Variants in PPP2R5A observed in about 807,000 individuals in gnomAD.
The protein encoded by PPP2R5A is protein phosphatase 2 regulatory subunit B'alpha.
Under a neutral mutation model 64.2 loss-of-function variants are expected in PPP2R5A, and 25 were observed. The ratio of observed to expected loss-of-function variants is 0.39; its 90% confidence interval spans 0.28 to 0.54. PPP2R5A has a LOEUF of 0.54. PPP2R5A is among the 20% of genes least tolerant of loss of function. The probability of loss-of-function intolerance (pLI) is 0.67; values close to 1 mark genes in which losing one functional copy is unlikely to be tolerated. For missense variants in PPP2R5A, 425 were observed against 576.3 expected, an observed-to-expected ratio of 0.74 and a Z score of 2.69; for synonymous variants, 198 against 201.2, an observed-to-expected ratio of 0.98 and a Z score of 0.13.
At chr1:212,359,280 A>G (rs1232337112) in intron 12 of PPP2R5A, among the ~76,000 whole-genome samples, 1 of 152,174 alleles carries the variant, frequency 6.6e-6, no homozygotes, top group African/African-American at 2.4e-5. Context: ...GCAGTAGGTA[A>G]TTCTTACGCT....
chr1:212,351,058 C>CA (rs1659868109), intron 8 of PPP2R5A, among the ~76,000 whole-genome samples: 2 of 149,174 alleles, frequency 1.3e-5, no homozygotes, highest in South Asian at 4.2e-4. Flanking sequence ...GCACAAGAAT[C>CA]ACTTGAACCC....
Position 212,351,076 on chromosome 1 carries a change from G to A in PPP2R5A, c.927+1834G>A, listed in dbSNP as rs956476876. On this transcript the variant is annotated intron_variant, in intron 8 of 12. Coordinates refer to ENST00000261461, the MANE Select transcript of PPP2R5A (RefSeq NM_006243.4). ...CAAGAATCACTTGAACCCTGGAGGCGGAGGTTACAGTGAGCCGAGATGACA... is the reference window on the plus strand; with the variant it reads ...CAAGAATCACTTGAACCCTGGAGGCAGAGGTTACAGTGAGCCGAGATGACA... 4.9e-4 allele frequency among the ~76,000 whole-genome samples: 74 copies of A among 150,666 alleles called. 1 individual carries two copies. The highest frequency in any genetic ancestry group is 1.3e-4 in the Non-Finnish European group (9 of 67,802).
intron 8 of PPP2R5A, among the ~76,000 whole-genome samples, chr1:212,354,139 G>A (rs916665754): frequency 2.0e-5 from 3 of 152,072 alleles, no homozygotes; most frequent in East Asian, 1.9e-4. Context: ...AGCCGAGATC[G>A]TGCCACTGCA....
At chr1:212,332,216 T>C (rs1659516784) in intron 2 of PPP2R5A, among the ~76,000 whole-genome samples, 1 of 152,210 alleles carries the variant, frequency 6.6e-6, no homozygotes, top group East Asian at 1.9e-4. Flanking sequence ...TTATTAAGTC[T>C]TAACGGTTAC....
intron 8 of PPP2R5A, among the ~76,000 whole-genome samples, chr1:212,354,710 AAG>A (rs1159830690): frequency 3.8e-5 from 5 of 132,170 alleles, no homozygotes; most frequent in South Asian, 2.3e-4. Flanking sequence ...CCTCATCAAA[AAG>A]AGAGAGAAAT....
intron 1 of PPP2R5A, among the ~76,000 whole-genome samples, chr1:212,303,828 T>C (rs897921208): frequency 3.9e-5 from 6 of 152,222 alleles, no homozygotes; most frequent in African/African-American, 1.4e-4. Flanking sequence ...GGCCCTTTTG[T>C]TGAAAATTAG....
intron 2 of PPP2R5A, among the ~76,000 whole-genome samples, chr1:212,331,247 A>ACCT (rs1197308791): frequency 1.3e-5 from 2 of 150,286 alleles, no homozygotes; most frequent in Non-Finnish European, 3.0e-5. Flanking sequence ...CACAGCCTTG[A>ACCT]CCTCCTGGGC....
intron 1 of PPP2R5A, among the ~76,000 whole-genome samples, chr1:212,296,631 AG>A (rs1407677204): frequency 6.6e-6 from 1 of 152,230 alleles, no homozygotes; most frequent in Non-Finnish European, 1.5e-5. Flanking sequence ...TGCCTGAATA[AG>A]GTTAAAGTGC....
chr1:212,333,147 C>T (rs535596364), intron 2 of PPP2R5A, among the ~76,000 whole-genome samples: 14 of 152,096 alleles, frequency 9.2e-5, no homozygotes, highest in Admixed American at 1.3e-4. Context: ...AGACAGTCTG[C>T]CCCCCTCGGC....
chr1:212,296,058 GAGA>G lies in PPP2R5A; in HGVS notation c.181+9774_181+9776del, dbSNP rs550162866. On this transcript the variant is annotated intron_variant, in intron 1 of 12. Coordinates refer to ENST00000261461, the MANE Select transcript of PPP2R5A (RefSeq NM_006243.4). The stretch of plus-strand genomic sequence containing the variant: ...GGCCTGGGTAGTAGCCCAAGATGGA[GAGA>G]AGAAGATGCATTTGAGATATATCTT... Among the ~76,000 whole-genome samples, 115 of 152,220 alleles carry G rather than the reference GAGA, an allele frequency of 7.6e-4. 1 individual carries two copies. Among genetic ancestry groups the G allele is most frequent in the African/African-American group, 2.4e-3 (100 of 41,532 alleles).
At chr1:212,291,171 C>T (rs779414626) in intron 1 of PPP2R5A, among the ~76,000 whole-genome samples, 3 of 151,892 alleles carry the variant, frequency 2.0e-5, no homozygotes, top group South Asian at 2.1e-4. Context: ...TGCAGTGGCA[C>T]GATCTCTCGG....
intron 2 of PPP2R5A, 44 bp downstream of exon 2, chr1:212,329,375 G>A: frequency 7.2e-7 from 1 of 1,382,352 alleles, no homozygotes; most frequent in Non-Finnish European, 9.6e-7. Context: ...GTAAATTTAA[G>A]ATCTGAGGTA....
chr1:212,354,188 A>G (rs1659937398), intron 8 of PPP2R5A, among the ~76,000 whole-genome samples: 1 of 152,052 alleles, frequency 6.6e-6, no homozygotes, highest in Non-Finnish European at 1.5e-5. Flanking sequence ...TGTCTCAAAA[A>G]TAAATAAATA....
chr1:212,334,572 G>A (rs1317953407), intron 3 of PPP2R5A, among the ~76,000 whole-genome samples: 1 of 152,168 alleles, frequency 6.6e-6, no homozygotes, highest in African/African-American at 2.4e-5. Flanking sequence ...GATTACAGGT[G>A]TGCAATTAAT....
intron 4 of PPP2R5A, among the ~76,000 whole-genome samples, chr1:212,342,858 T>A (rs189166177): frequency 5.5e-4 from 83 of 152,276 alleles, no homozygotes; most frequent in African/African-American, 1.9e-3. Flanking sequence ...CTTTTTTTTT[T>A]ATAAACTGCT....
chr1:212,307,126 GT>G (rs1409001330), intron 1 of PPP2R5A, among the ~76,000 whole-genome samples: 3 of 151,766 alleles, frequency 2.0e-5, no homozygotes, highest in Non-Finnish European at 2.9e-5. Flanking sequence ...TTTACTTTCC[GT>G]TTTCTCTGTC....
intron 1 of PPP2R5A, among the ~76,000 whole-genome samples, chr1:212,325,923 T>C (rs1659401270): frequency 6.6e-6 from 1 of 152,198 alleles, no homozygotes; most frequent in South Asian, 2.1e-4. Flanking sequence ...TTGAAATAAA[T>C]TATTAGCAGA....
chr1:212,332,420 A>C (rs938552578), intron 2 of PPP2R5A, among the ~76,000 whole-genome samples: 1 of 152,206 alleles, frequency 6.6e-6, no homozygotes, highest in South Asian at 2.1e-4. Flanking sequence ...TTATTCTTAA[A>C]AAAATTGTAG....
At chr1:212,303,081 T>C (rs917119116) in intron 1 of PPP2R5A, among the ~76,000 whole-genome samples, 4 of 152,230 alleles carry the variant, frequency 2.6e-5, no homozygotes, top group Non-Finnish European at 5.9e-5. Context: ...TGTGGACATA[T>C]GTTTTCATTT....
Sources: gnomAD v4.1 joint callset for allele counts (sites outside exome capture counted in the v4.1 genomes callset) on GRCh38, gnomAD v4.1.1 for gene constraint, MANE v1.5 for transcripts, NCBI Gene and HGNC (gene_info 2026-07-23, HGNC 2026-07-21) for gene names.